Variants in KCND2 observed in about 807,000 individuals in gnomAD.
KCND2 encodes the protein A-type voltage-gated potassium channel KCND2.
In KCND2, 16 loss-of-function variants were observed where a neutral mutation model predicts 54.4. That is an observed-to-expected ratio of 0.29 (90% CI 0.20 to 0.45). KCND2 has a LOEUF of 0.45. Among genes scored for constraint, KCND2 ranks in the 20% least tolerant of loss-of-function variants. The probability of loss-of-function intolerance (pLI) is 1.00; values close to 1 mark genes in which losing one functional copy is unlikely to be tolerated. For missense variants in KCND2, 486 were observed against 824.2 expected, an observed-to-expected ratio of 0.59 and a Z score of 5.02; for synonymous variants, 317 against 310.7, an observed-to-expected ratio of 1.02 and a Z score of -0.21.
Position 120,411,323 on chromosome 7 carries a change from G to C in KCND2, c.1115+135576G>C, listed in dbSNP as rs1212946942. ...TCATTTTTTTTTTCATTTTTACTTT[G>C]TTTGATACCTGGTCACTAGTTCAAC... On this transcript the variant is annotated intron_variant, in intron 1 of 5. Coordinates refer to ENST00000331113, the MANE Select transcript of KCND2 (RefSeq NM_012281.3). 7.4e-5 allele frequency among the ~76,000 whole-genome samples: 11 copies of C among 148,382 alleles called. 1 individual carries two copies. In the South Asian group the frequency reaches 2.3e-3, roughly 32 times the overall value.
rs528055138 is a variant in KCND2 at position 120,519,792 on chromosome 7, A to G, written c.1116-213111A>G. 4.5e-4 allele frequency among the ~76,000 whole-genome samples: 68 copies of G among 152,290 alleles called. No homozygotes were observed. The South Asian group carries it at 7.0e-3, about 16-fold the overall frequency. ...GGCAAAACTTTCAAAACAAAATGAA[A>G]TCTATTTTTATGTACTTGGGGTTTT... On this transcript the variant is annotated intron_variant, in intron 1 of 5. Coordinates refer to ENST00000331113, the MANE Select transcript of KCND2 (RefSeq NM_012281.3).
At chr7:120,329,147 G>C (rs1800025829) in intron 1 of KCND2, among the ~76,000 whole-genome samples, 1 of 145,474 alleles carries the variant, frequency 6.9e-6, no homozygotes, top group Non-Finnish European at 1.5e-5. Flanking sequence ...TGGAGATGGA[G>C]TTTCACTCTT....
chr7:120,733,171 G>T, intron 2 of KCND2, 106 bp downstream of exon 2: 1 of 1,091,676 alleles, frequency 9.2e-7, no homozygotes, highest in South Asian at 1.3e-5. Flanking sequence ...GTCAGTAGTT[G>T]CATCAATCAG....
chr7:120,722,655 AT>A (rs1438164006), intron 1 of KCND2, among the ~76,000 whole-genome samples: 1 of 152,228 alleles, frequency 6.6e-6, no homozygotes, highest in Non-Finnish European at 1.5e-5. Flanking sequence ...ACAGTCAAAA[AT>A]AAAATAGGTA....
intron 1 of KCND2, among the ~76,000 whole-genome samples, chr7:120,571,446 A>G (rs534817497): frequency 1.1e-3 from 175 of 152,342 alleles, no homozygotes; most frequent in Middle Eastern, 3.4e-3. Context: ...GGTTCGTGAA[A>G]GGAACAGAGG....
chr7:120,670,996 A>T (rs953259186), intron 1 of KCND2, among the ~76,000 whole-genome samples: 2 of 145,572 alleles, frequency 1.4e-5, no homozygotes, highest in Admixed American at 1.4e-4. Flanking sequence ...GCTAGTCCTT[A>T]ATCTACACTA....
chr7:120,663,281 T>C (rs1791887821), intron 1 of KCND2, among the ~76,000 whole-genome samples: 1 of 152,208 alleles, frequency 6.6e-6, no homozygotes, highest in African/African-American at 2.4e-5. Flanking sequence ...GATTAGTTTA[T>C]GATCAGTTGA....
intron 1 of KCND2, among the ~76,000 whole-genome samples, chr7:120,435,837 T>C (rs1055292433): frequency 3.9e-5 from 6 of 152,232 alleles, no homozygotes; most frequent in East Asian, 1.9e-4. Context: ...GTTTGGGCAA[T>C]TGATGTGTTT....
In KCND2 at chr7:120,441,588, G is replaced by A. The variant is rs115964932; in HGVS notation, c.1115+165841G>A. ...TAATAAATGCCTTGTAAAAATAAAT[G>A]TGTATGTAACAGACAACTCAGAGAA... On this transcript the variant is annotated intron_variant, in intron 1 of 5. Transcript: ENST00000331113. Among the ~76,000 whole-genome samples the A allele has an allele frequency of 8.2e-3, 1,244 of 152,098 alleles. 13 individuals are homozygous for A. Among genetic ancestry groups the A allele is most frequent in the African/African-American group, 0.028 (1,180 of 41,522 alleles).
At chr7:120,353,133 CTTTTTTT>C (rs72353278) in intron 1 of KCND2, among the ~76,000 whole-genome samples, 1 of 91,794 alleles carries the variant, frequency 1.1e-5, no homozygotes, top group African/African-American at 4.2e-5. Context: ...AATACTTTTA[CTTTTTTT>C]TTTTTTTTTT....
chr7:120,408,473 G>A (rs1238779115), intron 1 of KCND2, among the ~76,000 whole-genome samples: 1 of 151,912 alleles, frequency 6.6e-6, no homozygotes, highest in African/African-American at 2.4e-5. Context: ...GGGAAATGAT[G>A]AGAATGCCTA....
intron 1 of KCND2, among the ~76,000 whole-genome samples, chr7:120,698,916 A>T (rs933729206): frequency 6.6e-6 from 1 of 152,222 alleles, no homozygotes; most frequent in Non-Finnish European, 1.5e-5. Context: ...CTTTAAATTT[A>T]ATAAGAATTT....
chr7:120,616,173 A>G (rs951589021), intron 1 of KCND2, among the ~76,000 whole-genome samples: 1 of 152,224 alleles, frequency 6.6e-6, no homozygotes, highest in Non-Finnish European at 1.5e-5. Context: ...AAATCAAAAC[A>G]GTTCTGAAGT....
intron 1 of KCND2, among the ~76,000 whole-genome samples, chr7:120,455,711 T>A (rs2116227549): frequency 6.6e-6 from 1 of 152,332 alleles, no homozygotes; most frequent in Admixed American, 6.5e-5. Flanking sequence ...GAGGTCATTA[T>A]CCTTAGCAAA....
At chr7:120,566,764 T>TTAC (rs1296415722) in intron 1 of KCND2, among the ~76,000 whole-genome samples, 1 of 150,894 alleles carries the variant, frequency 6.6e-6, no homozygotes, top group African/African-American at 2.4e-5. Context: ...TATATTATTA[T>TTAC]TATGGTTTCT....
At chr7:120,667,291 A>C (rs538320059) in intron 1 of KCND2, among the ~76,000 whole-genome samples, 80 of 152,136 alleles carry the variant, frequency 5.3e-4, no homozygotes, top group Admixed American at 1.4e-3. Context: ...GATTCTAATA[A>C]AGACCGTGTA....
intron 1 of KCND2, among the ~76,000 whole-genome samples, chr7:120,358,689 G>A (rs1454284915): frequency 6.6e-6 from 1 of 152,070 alleles, no homozygotes; most frequent in Non-Finnish European, 1.5e-5. Flanking sequence ...CTTTGTGAAT[G>A]CAGTTGTTTT....
intron 1 of KCND2, among the ~76,000 whole-genome samples, chr7:120,571,531 C>A (rs755812737): frequency 3.3e-5 from 5 of 152,182 alleles, no homozygotes; most frequent in Non-Finnish European, 7.4e-5. Context: ...CCTTTCCATG[C>A]TTCTCACGCT....
intron 1 of KCND2, among the ~76,000 whole-genome samples, chr7:120,352,367 T>C (rs1423906335): frequency 6.6e-6 from 1 of 151,892 alleles, no homozygotes; most frequent in Non-Finnish European, 1.5e-5. Flanking sequence ...CATATGTATG[T>C]ATATACATAC....
Sources: gnomAD v4.1 joint callset for allele counts (sites outside exome capture counted in the v4.1 genomes callset) on GRCh38, gnomAD v4.1.1 for gene constraint, MANE v1.5 for transcripts, NCBI Gene and HGNC (gene_info 2026-07-23, HGNC 2026-07-21) for gene names.